PCDHA11: variants seen among roughly 807,000 people sequenced by gnomAD.
PCDHA11 encodes the protein protocadherin alpha 11, also known as protocadherin alpha-11.
Under a neutral mutation model 70.3 loss-of-function variants are expected in PCDHA11, and 61 were observed. The observed-to-expected ratio is 0.87, with a 90% CI of 0.71 to 1.07. The LOEUF (loss-of-function observed/expected upper bound fraction) is 1.07, where lower values mean the gene tolerates loss of function less well. PCDHA11 is among the 50% of genes least tolerant of loss of function. PCDHA11 has a pLI of 0.00. For synonymous variants in PCDHA11, 633 were observed against 555.1 expected (o/e 1.14, Z -1.97); for missense variants, 1,324 against 1,237.5 (o/e 1.07, Z -1.05).
At chr5:140,962,719 T>G (rs928199903) in intron 1 of PCDHA11, among the ~76,000 whole-genome samples, 1 of 152,224 alleles carries the variant, frequency 6.6e-6, no homozygotes, top group Non-Finnish European at 1.5e-5. Flanking sequence ...TTGGAAAGTA[T>G]TTTCCTTCTG....
At chr5:140,917,157 G>A (rs77234668) in intron 1 of PCDHA11, among the ~76,000 whole-genome samples, 2,784 of 152,240 alleles carry the variant, frequency 0.018, 84 homozygotes, top group African/African-American at 0.063. Context: ...TGGGGGATAT[G>A]GGAGGGGTGA....
At chr5:140,956,701 G>A (rs549659732) in intron 1 of PCDHA11, among the ~76,000 whole-genome samples, 30 of 152,256 alleles carry the variant, frequency 2.0e-4, no homozygotes, top group Admixed American at 1.4e-3. Context: ...CCATTGTTTG[G>A]AATAGCTTCA....
chr5:140,884,120 G>C, intron 1 of PCDHA11: 2 of 1,613,324 alleles, frequency 1.2e-6, no homozygotes, highest in South Asian at 2.2e-5. Flanking sequence ...GGCGGTCGGC[G>C]CGCGCATCCC....
intron 1 of PCDHA11, chr5:140,882,078 C>T: frequency 1.1e-6 from 1 of 937,486 alleles, no homozygotes; most frequent in Non-Finnish European, 1.6e-6. Flanking sequence ...CGCATGGTGT[C>T]GCTCTTCACT....
chr5:140,915,410 A>G (rs2077112688), intron 1 of PCDHA11, among the ~76,000 whole-genome samples: 1 of 152,172 alleles, frequency 6.6e-6, no homozygotes, highest in Non-Finnish European at 1.5e-5. Flanking sequence ...TAGTCTTTGC[A>G]GTCTGGGCTT....
At chr5:140,875,606 T>C in intron 1 of PCDHA11, 4 of 1,613,864 alleles carry the variant, frequency 2.5e-6, no homozygotes, top group Middle Eastern at 3.4e-4. Flanking sequence ...GGCACCTTCG[T>C]GGGCCGCATC....
intron 1 of PCDHA11, among the ~76,000 whole-genome samples, chr5:140,887,995 G>A (rs537858803): frequency 8.5e-5 from 13 of 152,066 alleles, no homozygotes; most frequent in South Asian, 6.2e-4. Context: ...TGTCTCCACC[G>A]AATAGTCATC....
At chr5:140,978,703 G>A (rs556167285) in intron 1 of PCDHA11, among the ~76,000 whole-genome samples, 9 of 152,210 alleles carry the variant, frequency 5.9e-5, no homozygotes, top group Non-Finnish European at 1.3e-4. Flanking sequence ...AGCCAAAGGT[G>A]GCCTTTACAA....
At chr5:140,909,868 G>A (rs782144709) in intron 1 of PCDHA11, among the ~76,000 whole-genome samples, 9 of 152,136 alleles carry the variant, frequency 5.9e-5, no homozygotes, top group Non-Finnish European at 8.8e-5. Flanking sequence ...TGGAGTCAAC[G>A]TCAGCTTAGA....
chr5:141,003,715 G>A (rs561348265), intron 3 of PCDHA11, among the ~76,000 whole-genome samples: 21 of 152,240 alleles, frequency 1.4e-4, no homozygotes, highest in African/African-American at 2.2e-4. Flanking sequence ...TGAAGATATC[G>A]GCTAATCCAA....
chr5:141,006,503 G>A (rs1163915409), intron 3 of PCDHA11, among the ~76,000 whole-genome samples: 2 of 152,168 alleles, frequency 1.3e-5, no homozygotes, highest in South Asian at 2.1e-4. Context: ...GTGAGCCACC[G>A]CGCCTGGCTG....
Position 140,869,604 on chromosome 5 carries a change from AT to A in PCDHA11, c.503del (p.Leu168Ter). ...SDADIEENAL[L>X]TYRLSKNEYF... Reference sequence around the variant, plus strand: ...ATGCTGACATTGAAGAGAATGCTCTATTGACCTACAGGCTAAGTAAAAATGA... The same window carrying A: ...ATGCTGACATTGAAGAGAATGCTCTATGACCTACAGGCTAAGTAAAAATGA... On this transcript the variant is annotated frameshift_variant, in exon 1 of 4. Coordinates refer to ENST00000398640, the MANE Select transcript of PCDHA11 (RefSeq NM_018902.5). LOFTEE classifies it high-confidence loss of function. The A allele has an allele frequency of 6.2e-7, 1 of 1,614,062 alleles. No homozygotes were observed. The highest frequency in any genetic ancestry group is 1.7e-5 in the Admixed American group (1 of 60,034).
intron 2 of PCDHA11, 38 bp from the exon 3 acceptor site, chr5:140,982,437 A>G: frequency 6.2e-7 from 1 of 1,613,390 alleles, no homozygotes; most frequent in East Asian, 2.2e-5. Flanking sequence ...GAAAGAATTT[A>G]TGATCTAACC....
At chr5:140,880,842 T>C (rs1554171525) in intron 1 of PCDHA11, among the ~76,000 whole-genome samples, 1 of 152,194 alleles carries the variant, frequency 6.6e-6, no homozygotes, top group East Asian at 1.9e-4. Flanking sequence ...TTTAAATGGT[T>C]GACTATGTAG....
Position 140,870,951 on chromosome 5 carries a change from C to T in PCDHA11, c.1848C>T (p.Gly616=), listed in dbSNP as rs781985952. 6 of 1,613,558 alleles carry T rather than the reference C, an allele frequency of 3.7e-6. No individual in the cohort carries two copies. The Admixed American group carries it at 1.0e-4, about 27-fold the overall frequency. ...ATGAATTGCAGCCGGCGGCGGGCGGCTCGCGCATCCCGTTCCGCGTGGGGC... is the reference window on the plus strand; with the variant it reads ...ATGAATTGCAGCCGGCGGCGGGCGGTTCGCGCATCCCGTTCCGCGTGGGGC... ...LSYELQPAAG[G]SRIPFRVGLY... Residue 616 remains glycine, a synonymous_variant, in exon 1 of 4, where the codon GGC becomes GGT. Transcript: ENST00000398640.
chr5:140,969,509 C>T (rs1554231905), intron 1 of PCDHA11: 1 of 1,416,140 alleles, frequency 7.1e-7, no homozygotes, highest in Non-Finnish European at 9.4e-7. Context: ...AAAAATAGCA[C>T]TAAAGAATTG....
chr5:140,871,452 G>C lies in PCDHA11; in HGVS notation c.2349G>C (p.Glu783Asp). 1 of 1,608,608 alleles carries C rather than the reference G, an allele frequency of 6.2e-7. No individual in the cohort carries two copies. The highest frequency in any genetic ancestry group is 8.5e-7 in the Non-Finnish European group (1 of 1,176,990). ...PSLPLGLNKE[E>D]EGERQEPGSN... ...TTCCTCTAGGTCTGAATAAAGAGGA[G>C]GAAGGGGAAAGACAGGAGCCAGGGT... is the stretch of plus-strand genomic sequence containing the variant. The change falls in exon 1 of 4, where the codon GAG becomes GAC. Residue 783 changes from glutamate to aspartate, a missense_variant. By Grantham distance (45) the Glu-to-Asp change is conservative. Coordinates refer to ENST00000398640, the MANE Select transcript of PCDHA11 (RefSeq NM_018902.5).
At chr5:140,889,946 C>T (rs1554184112) in intron 1 of PCDHA11, among the ~76,000 whole-genome samples, 1 of 152,114 alleles carries the variant, frequency 6.6e-6, no homozygotes, top group East Asian at 1.9e-4. Flanking sequence ...TGTGAGAAGC[C>T]AAATGGATAG....
Position 140,927,704 on chromosome 5 carries a change from C to T in PCDHA11, c.2392-51245C>T, listed in dbSNP as rs782172290. ...GGGTCCAATGGGGAAGTCCAGTACT[C>T]CCTAAGCAACAGCACGCAAGCAGAG... On this transcript the variant is annotated intron_variant, in intron 1 of 3. Coordinates refer to ENST00000398640, the MANE Select transcript of PCDHA11 (RefSeq NM_018902.5). 6.2e-6 allele frequency: 10 copies of T among 1,614,072 alleles called. No homozygotes were observed. In the Admixed American group the frequency reaches 1.2e-4, roughly 19 times the overall value.
Sources: gnomAD v4.1 joint callset for allele counts (sites outside exome capture counted in the v4.1 genomes callset) on GRCh38, gnomAD v4.1.1 for gene constraint, MANE v1.5 for transcripts, NCBI Gene and HGNC (gene_info 2026-07-23, HGNC 2026-07-21) for gene names.